Variants in TEX10 observed in about 807,000 individuals in gnomAD.
The protein encoded by TEX10 is testis expressed 10.
Under a neutral mutation model 104.4 loss-of-function variants are expected in TEX10, and 24 were observed. The observed-to-expected ratio is 0.23, with a 90% CI of 0.17 to 0.32. The LOEUF (loss-of-function observed/expected upper bound fraction) is 0.32, where lower values mean the gene tolerates loss of function less well. Among genes scored for constraint, TEX10 ranks in the 10% least tolerant of loss-of-function variants. TEX10 has a pLI of 1.00. For synonymous variants in TEX10, 396 were observed against 393.4 expected, an observed-to-expected ratio of 1.01 and a Z score of -0.08; for missense variants, 921 against 1,083.9, an observed-to-expected ratio of 0.85 and a Z score of 2.11.
chr9:100,314,804 T>C (rs2118847410), intron 11 of TEX10, among the ~76,000 whole-genome samples: 1 of 152,318 alleles, frequency 6.6e-6, no homozygotes, highest in South Asian at 2.1e-4. Context: ...AGTGCAACGT[T>C]AGGTTGCTGA....
rs1293872986 is a variant in TEX10, at chr9:100,303,832, A to C, written c.2476T>G (p.Trp826Gly). 2 of 1,613,518 alleles carry C rather than the reference A, an allele frequency of 1.2e-6. No individual in the cohort carries two copies. Among genetic ancestry groups the C allele is most frequent in the African/African-American group, 1.3e-5 (1 of 74,854 alleles). The change falls in exon 14 of 15, where the codon TGG (tryptophan) becomes GGG (glycine). Residue 826 changes from tryptophan (W) to glycine (G), a missense_variant. Transcript: ENST00000374902. ...AEHLRKRDKL[W>G]GVCVSILALL... ...GCCAGGATGGAGACACAGACCCCCC[A>C]CAGCTTGTCCCTACAATAACAGAGA...
intron 4 of TEX10, among the ~76,000 whole-genome samples, chr9:100,342,007 G>A (rs1485971635): frequency 2.6e-5 from 4 of 152,158 alleles, no homozygotes. Flanking sequence ...AGTCCCACAT[G>A]ATCTGGCCAC....
rs111451854 is a variant in TEX10, at chr9:100,312,062, T to TC, written c.2203-1684dup. On this transcript the variant is annotated intron_variant, in intron 11 of 14. Transcript: ENST00000374902. Reference sequence around the variant, plus strand: ...TACCCAGATATTTTACTTGGTAACTTCTTTTATACCATTAAGTAACAATGA... The same window carrying TC: ...TACCCAGATATTTTACTTGGTAACTTCCTTTTATACCATTAAGTAACAATGA... Among the ~76,000 whole-genome samples the TC allele has an allele frequency of 2.7e-4, 41 of 152,216 alleles. 1 individual carries two copies. The highest frequency in any genetic ancestry group is 8.7e-4 in the African/African-American group (36 of 41,450).
chr9:100,340,058 A>C (rs1835136870), intron 5 of TEX10, among the ~76,000 whole-genome samples, 199 bp downstream of exon 5: 1 of 152,190 alleles, frequency 6.6e-6, no homozygotes, highest in Non-Finnish European at 1.5e-5. Flanking sequence ...TTTACAGACT[A>C]AAAAATAAAA....
Position 100,326,339 on chromosome 9 carries a change from T to C in TEX10, c.1942A>G (p.Ser648Gly), listed in dbSNP as rs1301359953. ...RCCIMGRLSS[S>G]LAAMLIGILH... ...ATCCCGATAAGCATGGCAGCCAAAC[T>C]TGAACTGAGTCTTCCCATAATACAG... The change falls in exon 9 of 15, where the codon AGT becomes GGT. Residue 648 changes from serine (S) to glycine (G), a missense_variant. Coordinates refer to ENST00000374902, the MANE Select transcript of TEX10 (RefSeq NM_017746.4). 1.9e-6 allele frequency: 3 copies of C among 1,613,984 alleles called. No homozygotes were observed.
rs566124999 is a variant in TEX10 at position 100,332,800 on chromosome 9, G to A, written c.1251-2631C>T. 3.3e-5 allele frequency among the ~76,000 whole-genome samples: 5 copies of A among 150,580 alleles called. No individual in the cohort carries two copies. The South Asian group carries it at 1.0e-3, about 32-fold the overall frequency. ...CATGCCACTGCACTCCGGCCTGGGT[G>A]ACAGAGCGAAACTCCATCTCAAAAA... On this transcript the variant is annotated intron_variant, in intron 5 of 14. Transcript: ENST00000374902.
At chr9:100,340,537 A>G (rs1835147160) in intron 4 of TEX10, among the ~76,000 whole-genome samples, 168 bp from the exon 5 acceptor site, 1 of 152,208 alleles carries the variant, frequency 6.6e-6, no homozygotes, top group Admixed American at 6.5e-5. Flanking sequence ...CTGTTAAAGC[A>G]CCCACTTTTC....
intron 11 of TEX10, among the ~76,000 whole-genome samples, chr9:100,311,521 G>A (rs970357521): frequency 6.6e-6 from 1 of 152,204 alleles, no homozygotes; most frequent in African/African-American, 2.4e-5. Context: ...AGAAAGATCT[G>A]AGTGATATGA....
rs1351210064 is a variant in TEX10, at chr9:100,347,179, T to C, written c.408A>G (p.Pro136=). The C allele has an allele frequency of 6.2e-7, 1 of 1,613,824 alleles. No homozygotes were observed. The highest frequency in any genetic ancestry group is 1.7e-5 in the Admixed American group (1 of 59,978). The change falls in exon 3 of 15, where the codon CCA becomes CCG. Residue 136 remains proline, a synonymous_variant. Transcript: ENST00000374902. The part of the protein sequence containing the change: ...APKIRAEQIS[P]FFPLVSAHLS... Reference sequence around the variant, plus strand: ...GATGGGCACTTACCAAAGGAAAAAATGGAGAAATTTGTTCAGCTCGTATTT... The same window carrying C: ...GATGGGCACTTACCAAAGGAAAAAACGGAGAAATTTGTTCAGCTCGTATTT...
In TEX10 at chr9:100,327,907, G is replaced by A. The variant is rs1395831992; in HGVS notation, c.1681C>T (p.His561Tyr). The A allele has an allele frequency of 1.9e-6, 3 of 1,598,780 alleles. No individual in the cohort carries two copies. The highest frequency in any genetic ancestry group is 1.7e-4 in the Middle Eastern group (1 of 6,000). The part of the protein sequence containing the change: ...WLAGLPLQLA[H>Y]LGSRNPELST... Reference sequence around the variant, plus strand: ...AGCTCAGGATTTCGGGAGCCAAGATGAGCAAGTTGCAATGGTAAGCCAGCC... The same window carrying A: ...AGCTCAGGATTTCGGGAGCCAAGATAAGCAAGTTGCAATGGTAAGCCAGCC... Residue 561 changes from histidine (H) to tyrosine (Y), a missense_variant, in exon 8 of 15, where the codon CAT (histidine) becomes TAT (tyrosine). Around this residue, in one of 3 missense-constraint regions of TEX10, gnomAD observed 753 missense variants for 868.4 expected, o/e 0.87. Transcript: ENST00000374902.
At chr9:100,332,045 T>G (rs776793320) in intron 5 of TEX10, among the ~76,000 whole-genome samples, 1 of 152,208 alleles carries the variant, frequency 6.6e-6, no homozygotes, top group African/African-American at 2.4e-5. Flanking sequence ...CTACGTTGGA[T>G]ATGTTGAGCC....
chr9:100,323,955 C>T (rs1373263349), intron 9 of TEX10, among the ~76,000 whole-genome samples: 1 of 152,156 alleles, frequency 6.6e-6, no homozygotes, highest in Non-Finnish European at 1.5e-5. Flanking sequence ...ATTTTATAGT[C>T]ATGGTCAAGA....
chr9:100,347,445 T>C (rs1835327612), intron 2 of TEX10, 39 bp from the exon 3 acceptor site: 14 of 1,463,882 alleles, frequency 9.6e-6, no homozygotes, highest in Non-Finnish European at 1.3e-5. Context: ...TATACTTATA[T>C]ACATGTATCA....
At chr9:100,316,026 T>C (rs190099916) in intron 11 of TEX10, among the ~76,000 whole-genome samples, 2 of 152,358 alleles carry the variant, frequency 1.3e-5, no homozygotes, top group Admixed American at 1.3e-4. Flanking sequence ...CCCTTGGGAA[T>C]ACCAATAATT....
rs575309492 is a variant in TEX10 at position 100,349,323 on chromosome 9, A to G, written c.41T>C (p.Val14Ala). ...CTTCTTTTTACCAACTTTCAATTTT[A>G]CTTTTTGAAAATCATGTTGGCGTTT... ...KRKRQHDFQKVKLKVGKKKPK... is the reference protein window; with the variant it reads ...KRKRQHDFQKAKLKVGKKKPK... Residue 14 changes from valine (V) to alanine (A), a missense_variant, in exon 2 of 15, where the codon GTA becomes GCA. Coordinates refer to ENST00000374902, the MANE Select transcript of TEX10 (RefSeq NM_017746.4). 1.4e-5 allele frequency: 22 copies of G among 1,595,788 alleles called. No individual in the cohort carries two copies. Among genetic ancestry groups the G allele is most frequent in the Admixed American group, 1.8e-5 (1 of 55,540 alleles).
chr9:100,342,530 T>C (rs747205886), intron 4 of TEX10, among the ~76,000 whole-genome samples: 1 of 152,236 alleles, frequency 6.6e-6, no homozygotes, highest in Non-Finnish European at 1.5e-5. Context: ...ACTTGAAATG[T>C]GGCTAGGGTT....
At chr9:100,307,800 G>T (rs1834179272) in intron 13 of TEX10, 1 of 151,874 alleles carries the variant, frequency 6.6e-6, no homozygotes, top group South Asian at 2.1e-4. Flanking sequence ...CTACATAAAT[G>T]TTTTTTTATA....
chr9:100,352,520 C>G, intron 1 of TEX10: 1 of 1,550,376 alleles, frequency 6.5e-7, no homozygotes, highest in Non-Finnish European at 8.7e-7. Flanking sequence ...GGCTAAAACT[C>G]TCTCGGACCC....
intron 5 of TEX10, among the ~76,000 whole-genome samples, chr9:100,331,269 T>A (rs1410917729): frequency 4.6e-5 from 7 of 151,080 alleles, no homozygotes; most frequent in South Asian, 4.2e-4. Flanking sequence ...CTCAAAAAAA[T>A]AAATAAATAA....
Sources: allele counts gnomAD v4.1 joint callset (sites outside exome capture counted in the v4.1 genomes callset), GRCh38; gene constraint gnomAD v4.1.1; regional missense constraint gnomAD v4.1.1; transcripts MANE v1.5; gene names NCBI Gene and HGNC (gene_info 2026-07-23, HGNC 2026-07-21).